The following XKR6 variants were observed in gnomAD, a reference collection of about 807,000 sequenced individuals.
XKR6 encodes XK related 6, also known as XK-related protein 6.
In XKR6, 22 loss-of-function variants were observed where a neutral mutation model predicts 56.7. The ratio of observed to expected loss-of-function variants is 0.39; its 90% CI spans 0.28 to 0.55. The LOEUF is 0.55. XKR6 is among the 20% of genes least tolerant of loss of function. The pLI, the probability that XKR6 is intolerant of heterozygous loss-of-function variation, is 0.66. For synonymous variants in XKR6, 524 were observed against 387.8 expected (o/e 1.35, Z -4.13); for missense variants, 852 against 889.0 (o/e 0.96, Z 0.53).
chr8:11,002,653 T>C (rs905716866), intron 1 of XKR6, among the ~76,000 whole-genome samples: 2 of 152,232 alleles, frequency 1.3e-5, no homozygotes, highest in Admixed American at 6.5e-5. Flanking sequence ...CAAGTCATCA[T>C]TCTCACCACG....
intron 1 of XKR6, among the ~76,000 whole-genome samples, chr8:10,985,035 G>A (rs1027500359): frequency 6.6e-6 from 1 of 151,820 alleles, no homozygotes; most frequent in African/African-American, 2.4e-5. Flanking sequence ...CACCTCCCAG[G>A]CTCAAGCAAT....
chr8:11,194,497 A>T (rs1033880846), intron 1 of XKR6: 4 of 152,270 alleles, frequency 2.6e-5, no homozygotes, highest in African/African-American at 4.8e-5. Flanking sequence ...TTAAGAGGCA[A>T]ATAAGAAATC....
intron 1 of XKR6, among the ~76,000 whole-genome samples, chr8:11,020,442 T>C (rs1798725269): frequency 6.6e-6 from 1 of 152,216 alleles, no homozygotes; most frequent in African/African-American, 2.4e-5. Flanking sequence ...GCTAAGTTCC[T>C]TGTGACCTCA....
At chr8:11,112,281 T>C (rs949667699) in intron 1 of XKR6, among the ~76,000 whole-genome samples, 3 of 152,244 alleles carry the variant, frequency 2.0e-5, no homozygotes, top group African/African-American at 2.4e-5. Context: ...CTCATACTTT[T>C]AGAAACTATT....
At chr8:11,176,893 C>G (rs527682626) in intron 1 of XKR6, among the ~76,000 whole-genome samples, 1 of 152,322 alleles carries the variant, frequency 6.6e-6, no homozygotes, top group East Asian at 1.9e-4. Flanking sequence ...ACCAGAGCAA[C>G]AGAATCCAGC....
intron 1 of XKR6, among the ~76,000 whole-genome samples, chr8:10,983,714 G>T (rs1053097178): frequency 6.6e-6 from 1 of 150,982 alleles, no homozygotes; most frequent in Non-Finnish European, 1.5e-5. Context: ...GGAGTGCAGT[G>T]GCCTGATCTC....
intron 1 of XKR6, among the ~76,000 whole-genome samples, chr8:11,098,453 G>T (rs193282358): frequency 6.6e-6 from 1 of 152,222 alleles, no homozygotes; most frequent in East Asian, 1.9e-4. Context: ...AATGCTGTGT[G>T]TACTTCTCAC....
intron 1 of XKR6, among the ~76,000 whole-genome samples, chr8:11,190,854 T>C (rs1803534505): frequency 6.6e-6 from 1 of 152,202 alleles, no homozygotes; most frequent in African/African-American, 2.4e-5. Flanking sequence ...TCTTCATCTG[T>C]AAAATGGGCA....
intron 1 of XKR6, among the ~76,000 whole-genome samples, chr8:11,139,728 C>T (rs1363905702): frequency 6.6e-6 from 1 of 152,214 alleles, no homozygotes; most frequent in South Asian, 2.1e-4. Flanking sequence ...AAGCCACAGC[C>T]GAAGGGGCTG....
chr8:11,085,066 C>T (rs1349610174), intron 1 of XKR6, among the ~76,000 whole-genome samples: 10 of 152,150 alleles, frequency 6.6e-5, no homozygotes, highest in Admixed American at 2.0e-4. Context: ...AGCCTTCCTT[C>T]GTCCCCTTGG....
chr8:10,902,641 G>C (rs1428962379), intron 2 of XKR6, among the ~76,000 whole-genome samples: 1 of 152,220 alleles, frequency 6.6e-6, no homozygotes, highest in African/African-American at 2.4e-5. Flanking sequence ...TGGCTCTTCA[G>C]GGTTCGAACG....
chr8:11,144,866 G>A (rs1292792334), intron 1 of XKR6, among the ~76,000 whole-genome samples: 1 of 151,240 alleles, frequency 6.6e-6, no homozygotes, highest in East Asian at 2.0e-4. Context: ...GGAGGGGTAG[G>A]GAGGGGAAAG....
chr8:11,191,224 A>T (rs917186825), intron 1 of XKR6, among the ~76,000 whole-genome samples: 1 of 152,218 alleles, frequency 6.6e-6, no homozygotes, highest in African/African-American at 2.4e-5. Flanking sequence ...CTTAAAGGTT[A>T]GAATTACCAG....
chr8:11,169,016 G>A (rs913832504), intron 1 of XKR6, among the ~76,000 whole-genome samples: 3 of 152,074 alleles, frequency 2.0e-5, no homozygotes, highest in African/African-American at 7.3e-5. Context: ...CCTCTGACTG[G>A]TCCCAGGACA....
rs1195793907 is a variant in XKR6 at position 11,200,968 on chromosome 8, C to G, written c.372G>C (p.Arg124=). 2 of 1,518,956 alleles carry G rather than the reference C, an allele frequency of 1.3e-6. No homozygotes were observed. The highest frequency in any genetic ancestry group is 2.0e-5 in the Admixed American group (1 of 49,820). The allele number at this position is 1,518,956 out of a possible 1,614,324, so 94.1% of individuals were successfully genotyped here. ...CGATCCACAGGCAGTCGAGCCACGGCCGCTCCACCTGCGGCGGCGGCGGCT... is the reference window on the plus strand; with the variant it reads ...CGATCCACAGGCAGTCGAGCCACGGGCGCTCCACCTGCGGCGGCGGCGGCT... ...RPEPPPPQVE[R]PWLDCLWIVL... The change falls in exon 1 of 3, where the codon CGG becomes CGC. Residue 124 remains arginine, a synonymous_variant. Coordinates refer to ENST00000416569, the MANE Select transcript of XKR6 (RefSeq NM_173683.4). This position sits in a 1 kb window ranked among gnomAD's most constrained non-coding sequence, Gnocchi z 6.4.
At chr8:11,097,609 A>T (rs546101628) in intron 1 of XKR6, among the ~76,000 whole-genome samples, 1 of 151,994 alleles carries the variant, frequency 6.6e-6, no homozygotes, top group East Asian at 1.9e-4. Flanking sequence ...GGAGTTCAAG[A>T]CTAGCCTGGT....
intron 1 of XKR6, among the ~76,000 whole-genome samples, chr8:11,055,323 C>T (rs1315417947): frequency 6.6e-6 from 1 of 152,014 alleles, no homozygotes; most frequent in Non-Finnish European, 1.5e-5. Context: ...GGGGAGGAGG[C>T]ATCTGATCAG....
intron 1 of XKR6, among the ~76,000 whole-genome samples, chr8:11,067,536 T>A (rs1800012698): frequency 6.6e-6 from 1 of 152,246 alleles, no homozygotes; most frequent in Admixed American, 6.5e-5. Context: ...CAGTGAAACA[T>A]TATTTATCTT....
intron 1 of XKR6, among the ~76,000 whole-genome samples, chr8:10,953,766 C>T (rs1011563686): frequency 2.0e-5 from 3 of 152,214 alleles, no homozygotes; most frequent in Admixed American, 1.3e-4. Flanking sequence ...AGTCCCAGAA[C>T]ATTTGCATTA....
Sources: allele counts gnomAD v4.1 joint callset (sites outside exome capture counted in the v4.1 genomes callset), GRCh38; gene constraint gnomAD v4.1.1; non-coding constraint Gnocchi (gnomAD v3.1); transcripts MANE v1.5; gene names NCBI Gene and HGNC (gene_info 2026-07-23, HGNC 2026-07-21).